CCDC85A: variants seen among roughly 807,000 people sequenced by gnomAD.
CCDC85A encodes the protein coiled-coil domain containing 85A.
Under a neutral mutation model 50.2 loss-of-function variants are expected in CCDC85A, and 38 were observed. The ratio of observed to expected loss-of-function variants is 0.76; its 90% CI spans 0.58 to 0.99. CCDC85A has a LOEUF of 0.99. Among genes scored for constraint, CCDC85A ranks in the 50% least tolerant of loss-of-function variants. The pLI is 0.00. For missense variants in CCDC85A, 820 were observed against 742.0 expected (o/e 1.11, Z -1.22); for synonymous variants, 366 against 301.4 (o/e 1.21, Z -2.22).
intron 4 of CCDC85A, 60 bp from the exon 5 acceptor site, chr2:56,375,756 C>T (rs1025180187): frequency 6.5e-7 from 1 of 1,543,112 alleles, no homozygotes; most frequent in African/African-American, 1.4e-5. Context: ...TATTGAATGA[C>T]ATCTTTGTAG....
chr2:56,270,393 A>C (rs1670646823), intron 2 of CCDC85A, among the ~76,000 whole-genome samples: 1 of 152,238 alleles, frequency 6.6e-6, no homozygotes, highest in African/African-American at 2.4e-5. Context: ...TGTTGCCACT[A>C]GCCAGATTTT....
At chr2:56,269,204 T>C (rs1670589004) in intron 2 of CCDC85A, among the ~76,000 whole-genome samples, 1 of 152,150 alleles carries the variant, frequency 6.6e-6, no homozygotes, top group Non-Finnish European at 1.5e-5. Flanking sequence ...CTAGGACCCA[T>C]AGCAATAACT....
At chr2:56,232,440 T>A (rs1235078617) in intron 2 of CCDC85A, among the ~76,000 whole-genome samples, 1 of 152,192 alleles carries the variant, frequency 6.6e-6, no homozygotes, top group African/African-American at 2.4e-5. Context: ...AATTCCCAAG[T>A]ATCAAGGGCA....
intron 2 of CCDC85A, among the ~76,000 whole-genome samples, chr2:56,215,773 T>C (rs1184422885): frequency 6.6e-6 from 1 of 151,942 alleles, no homozygotes; most frequent in African/African-American, 2.4e-5. Context: ...TTTGTATTGC[T>C]TTATAGCTTG....
At chr2:56,273,034 A>G (rs1157233968) in intron 2 of CCDC85A, among the ~76,000 whole-genome samples, 1 of 152,232 alleles carries the variant, frequency 6.6e-6, no homozygotes, top group African/African-American at 2.4e-5. Flanking sequence ...TTGTGGAATA[A>G]GAACAGGATG....
chr2:56,346,815 T>A (rs1445864090), intron 3 of CCDC85A, among the ~76,000 whole-genome samples: 1 of 152,236 alleles, frequency 6.6e-6, no homozygotes, highest in Non-Finnish European at 1.5e-5. Flanking sequence ...TAAATCTTTT[T>A]CAAAGAATTG....
At position 56,317,382 on chromosome 2, in the gene CCDC85A, G is replaced by T. The variant is rs188792149; in HGVS notation, c.1241-25497G>T. On this transcript the variant is annotated intron_variant, in intron 2 of 5. Transcript: ENST00000407595. ...TGATCCAAAAGTCTACACTGGCATT[G>T]CCAGTATAGCATTTCTCTGAGATCT... 2.1e-3 allele frequency among the ~76,000 whole-genome samples: 320 copies of T among 152,138 alleles called. 3 individuals carry two copies. Among genetic ancestry groups the T allele is most frequent in the African/African-American group, 7.2e-3 (297 of 41,534 alleles).
intron 2 of CCDC85A, among the ~76,000 whole-genome samples, chr2:56,247,377 G>A (rs1223340810): frequency 6.6e-6 from 1 of 152,122 alleles, no homozygotes; most frequent in Non-Finnish European, 1.5e-5. Flanking sequence ...GGGGAAAGAA[G>A]AAACACACTT....
intron 5 of CCDC85A, among the ~76,000 whole-genome samples, chr2:56,376,172 G>A (rs1222100604): frequency 6.6e-6 from 1 of 152,002 alleles, no homozygotes; most frequent in Non-Finnish European, 1.5e-5. Context: ...TTGAGAATGT[G>A]ATTCATATCT....
chr2:56,335,224 G>T (rs574575500), intron 2 of CCDC85A, among the ~76,000 whole-genome samples: 1 of 152,094 alleles, frequency 6.6e-6, no homozygotes, highest in African/African-American at 2.4e-5. Context: ...AAAACACTTT[G>T]TTCAGAACAG....
chr2:56,250,863 C>G (rs1038149915), intron 2 of CCDC85A, among the ~76,000 whole-genome samples: 9 of 152,198 alleles, frequency 5.9e-5, no homozygotes, highest in Non-Finnish European at 1.2e-4. Context: ...ATACAGTTGT[C>G]TCTTACTGTA....
At chr2:56,200,701 T>C (rs951206241) in intron 2 of CCDC85A, among the ~76,000 whole-genome samples, 1 of 152,182 alleles carries the variant, frequency 6.6e-6, no homozygotes, top group Non-Finnish European at 1.5e-5. Context: ...GTCATTCTTA[T>C]AAAGGCAATA....
chr2:56,323,788 T>C (rs959817615), intron 2 of CCDC85A, among the ~76,000 whole-genome samples: 3 of 152,080 alleles, frequency 2.0e-5, no homozygotes, highest in Non-Finnish European at 4.4e-5. Flanking sequence ...CCATATGTAT[T>C]AGGAACTAAA....
chr2:56,191,311 C>T (rs899463095), intron 1 of CCDC85A, among the ~76,000 whole-genome samples: 2 of 152,178 alleles, frequency 1.3e-5, no homozygotes, highest in African/African-American at 2.4e-5. Flanking sequence ...AAAAGCTGTA[C>T]CATGTCAGGG....
intron 2 of CCDC85A, among the ~76,000 whole-genome samples, chr2:56,262,984 A>G (rs939356110): frequency 6.6e-6 from 1 of 151,994 alleles, no homozygotes; most frequent in African/African-American, 2.4e-5. Context: ...TTTTTTTTTC[A>G]AGACCACTTA....
Position 56,261,489 on chromosome 2 carries a change from C to T in CCDC85A, c.1240+68049C>T, listed in dbSNP as rs118158149. ...GTCTGAAATTCAGCATACATTGCAC[C>T]CTGGTAGTATCACTTTGGTTGTATT... On this transcript the variant is annotated intron_variant, in intron 2 of 5. Coordinates refer to ENST00000407595, the MANE Select transcript of CCDC85A (RefSeq NM_001080433.2). Among the ~76,000 whole-genome samples, 97 of 152,232 alleles carry T rather than the reference C, an allele frequency of 6.4e-4. 3 individuals carry two copies. In the East Asian group the frequency reaches 0.017, roughly 26 times the overall value.
chr2:56,366,527 C>T (rs1052727147), intron 3 of CCDC85A, among the ~76,000 whole-genome samples: 2 of 151,996 alleles, frequency 1.3e-5, no homozygotes, highest in African/African-American at 4.8e-5. Context: ...TGCATAAATC[C>T]TTTGCTATTT....
chr2:56,284,464 C>G (rs1671341288), intron 2 of CCDC85A, among the ~76,000 whole-genome samples: 1 of 152,180 alleles, frequency 6.6e-6, no homozygotes, highest in African/African-American at 2.4e-5. Context: ...CCTCAGCCTT[C>G]CAGATTCAAG....
chr2:56,200,575 G>A (rs938117459), intron 2 of CCDC85A, among the ~76,000 whole-genome samples: 64 of 152,190 alleles, frequency 4.2e-4, no homozygotes, highest in African/African-American at 1.4e-3. Flanking sequence ...TGCCGTTCAA[G>A]TGTTTCCAAT....
Sources: allele counts gnomAD v4.1 joint callset (sites outside exome capture counted in the v4.1 genomes callset), GRCh38; gene constraint gnomAD v4.1.1; transcripts MANE v1.5; gene names NCBI Gene and HGNC (gene_info 2026-07-23, HGNC 2026-07-21).